Variants in SLC26A3 observed in about 807,000 individuals in gnomAD.
SLC26A3 encodes the protein solute carrier family 26 member 3.
A neutral mutation model predicts 85.6 loss-of-function variants in SLC26A3; 64 were observed. The observed-to-expected ratio is 0.75, with a 90% confidence interval of 0.61 to 0.92. The LOEUF (loss-of-function observed/expected upper bound fraction) is 0.92, where lower values mean the gene tolerates loss of function less well. Ranked by LOEUF, SLC26A3 falls within the 40% of genes least tolerant of loss-of-function variation. The pLI is 0.00. For synonymous variants in SLC26A3, 349 were observed against 336.0 expected (o/e 1.04, Z -0.42); for missense variants, 922 against 927.3 (o/e 0.99, Z 0.07).
rs1301483083 is a variant in SLC26A3 at position 107,783,190 on chromosome 7, A to G, written c.1119+15T>C. The G allele has an allele frequency of 6.2e-7, 1 of 1,614,060 alleles. No homozygotes were observed. The highest frequency in any genetic ancestry group is 8.5e-7 in the Non-Finnish European group (1 of 1,180,018). On this transcript the variant is annotated intron_variant, in intron 9 of 20. Coordinates refer to ENST00000340010, the MANE Select transcript of SLC26A3 (RefSeq NM_000111.3). ...AAAGTTGCCCAGTGAGACCCAGTGT[A>G]GTTTGTTTACTTACCTGATTGCCAT...
At chr7:107,791,622 AT>A (rs1415714065) in intron 4 of SLC26A3, among the ~76,000 whole-genome samples, 6 of 124,282 alleles carry the variant, frequency 4.8e-5, no homozygotes, top group African/African-American at 1.0e-4. Context: ...CAAAAAATAA[AT>A]AAAAATAAAT....
chr7:107,785,392 G>A (rs528170484), intron 8 of SLC26A3, among the ~76,000 whole-genome samples: 2 of 152,206 alleles, frequency 1.3e-5, no homozygotes, highest in South Asian at 2.1e-4. Flanking sequence ...ATGGTTACCC[G>A]TTGCCACACC....
chr7:107,785,587 A>T (rs908922950), intron 8 of SLC26A3, among the ~76,000 whole-genome samples: 1 of 152,214 alleles, frequency 6.6e-6, no homozygotes. Context: ...GTCTCCCAAG[A>T]CATTTAAGTA....
intron 1 of SLC26A3, 90 bp from the exon 2 acceptor site, chr7:107,794,687 C>T: frequency 1.5e-6 from 1 of 664,128 alleles, no homozygotes; most frequent in South Asian, 1.7e-5. Flanking sequence ...AATGTTACCA[C>T]CTTTTAAGAT....
At chr7:107,774,292 C>T (rs1288014437) in intron 16 of SLC26A3, 139 bp from the exon 17 acceptor site, 1 of 741,304 alleles carries the variant, frequency 1.3e-6, no homozygotes, top group African/African-American at 1.7e-5. Context: ...TGGCTCATGC[C>T]TGTCATCCCA....
intron 12 of SLC26A3, among the ~76,000 whole-genome samples, chr7:107,778,840 A>C (rs1562877153): frequency 2.6e-5 from 4 of 152,096 alleles, no homozygotes. Flanking sequence ...AAATAAAAAA[A>C]AATAGCTGAG....
At chr7:107,776,202 C>G in intron 15 of SLC26A3, 1 of 513,684 alleles carries the variant, frequency 1.9e-6, no homozygotes, top group Non-Finnish European at 3.5e-6. Context: ...TTCTTTTACT[C>G]TACATCAGAA....
chr7:107,775,859 G>A (rs902336800), intron 15 of SLC26A3, among the ~76,000 whole-genome samples: 19 of 152,160 alleles, frequency 1.2e-4, no homozygotes, highest in African/African-American at 4.1e-4. Flanking sequence ...GAAAAATGTC[G>A]GATGCATATC....
intron 20 of SLC26A3, among the ~76,000 whole-genome samples, chr7:107,766,708 T>C (rs962614404): frequency 1.3e-5 from 2 of 152,124 alleles, no homozygotes; most frequent in Non-Finnish European, 2.9e-5. Context: ...TTGAAGACAA[T>C]CATTAAATTC....
At chr7:107,775,155 C>T (rs1048665262) in intron 15 of SLC26A3, among the ~76,000 whole-genome samples, 20 of 152,084 alleles carry the variant, frequency 1.3e-4, no homozygotes, top group Admixed American at 1.2e-3. Context: ...CTATTTGAAT[C>T]TGTTTGTGTT....
At chr7:107,797,562 C>CTTTCTGTTTTCCCCTTGCACT (rs1447779342) in intron 1 of SLC26A3, among the ~76,000 whole-genome samples, 43 of 152,024 alleles carry the variant, frequency 2.8e-4, no homozygotes, top group African/African-American at 9.7e-4. Flanking sequence ...ACATTCCAGC[C>CTTTCTGTTTTCCCCTTGCACT]TTTCTGTTTT....
intron 12 of SLC26A3, 22 bp downstream of exon 12, chr7:107,779,646 A>G (rs761920144): frequency 2.6e-6 from 4 of 1,560,490 alleles, no homozygotes; most frequent in Middle Eastern, 1.7e-4. Context: ...TCTCTCTTTC[A>G]AATACTATTG....
At position 107,794,272 on chromosome 7, in the gene SLC26A3, G is replaced by A; in HGVS notation, c.131+107C>T. On this transcript the variant is annotated intron_variant, in intron 2 of 20. Transcript: ENST00000340010. ...TTTGGAAACTAAAGAGGAAAGGACT[G>A]TAGGCTGTGGACTAGAGCCAGAAAG... 2.4e-6 allele frequency: 3 copies of A among 1,273,466 alleles called. No homozygotes were observed. The East Asian group carries it at 6.9e-5, about 29-fold the overall frequency. The allele number at this position is 1,273,466 out of a possible 1,614,324, so 78.9% of individuals were successfully genotyped here.
rs369516311 is a variant in SLC26A3 at position 107,783,339 on chromosome 7, T to C, written c.985A>G (p.Ile329Val). 1.3e-5 allele frequency: 21 copies of C among 1,614,010 alleles called. No homozygotes were observed. Among genetic ancestry groups the C allele is most frequent in the Middle Eastern group, 1.6e-4 (1 of 6,082 alleles). ...GDMNPGFQPP[I>V]TPDVETFQNT... The stretch of plus-strand genomic sequence containing the variant: ...TGGAAAGTCTCCACGTCAGGTGTAA[T>C]AGGGGGCTGAAATCTAAAATTGAAA... Residue 329 changes from isoleucine (I) to valine (V), a missense_variant, in exon 9 of 21, where the codon ATT (isoleucine) becomes GTT (valine). Physicochemically the swap from Ile to Val is conservative, Grantham distance 29 (BLOSUM62 3). Transcript: ENST00000340010.
intron 5 of SLC26A3, 35 bp downstream of exon 5, chr7:107,791,013 A>AT (rs1300618507): frequency 6.2e-7 from 1 of 1,606,372 alleles, no homozygotes; most frequent in Non-Finnish European, 8.5e-7. Context: ...AGATGAACAG[A>AT]TTGAGGTGGG....
chr7:107,798,142 G>GAT (rs1794541830), intron 1 of SLC26A3, among the ~76,000 whole-genome samples: 1 of 150,950 alleles, frequency 6.6e-6, no homozygotes, highest in Admixed American at 6.6e-5. Context: ...TGGCCTTTAT[G>GAT]ATATATATAT....
In SLC26A3 at chr7:107,791,221, G is replaced by A. The variant is rs146149806; in HGVS notation, c.397C>T (p.Leu133=). The change falls in exon 5 of 21, where the codon CTG becomes TTG. Residue 133 remains leucine (L), a synonymous_variant. Transcript: ENST00000340010. ...RHISVGPFPI[L]SMMVGLAVSG... is the part of the protein sequence containing the mutation. Reference sequence around the variant, plus strand: ...ACTGCTAGTCCCACCATCATACTCAGAATCGGAAACGGACCTAATTAACAG... The same window carrying A: ...ACTGCTAGTCCCACCATCATACTCAAAATCGGAAACGGACCTAATTAACAG... 3.6e-5 allele frequency: 58 copies of A among 1,614,188 alleles called. No individual in the cohort carries two copies. The highest frequency in any genetic ancestry group is 4.7e-5 in the Non-Finnish European group (56 of 1,180,020).
intron 18 of SLC26A3, among the ~76,000 whole-genome samples, chr7:107,770,022 CTT>C (rs1293319235): frequency 4.7e-4 from 19 of 40,008 alleles, no homozygotes; most frequent in African/African-American, 2.1e-3. Flanking sequence ...TTCTTTCTTT[CTT>C]TCTTTCTTTC....
In SLC26A3 at chr7:107,787,475, G is replaced by A; in HGVS notation, c.770C>T (p.Thr257Ile). Reference protein sequence around the residue: ...LYSVFSQIEKTNIADLVTALI... With the variant: ...LYSVFSQIEKINIADLVTALI... ...AGCTGTCACCAGGTCTGCAATATTA[G>A]TCTTCTCTATTTGTGAGAATACAGA... Residue 257 changes from threonine to isoleucine, a missense_variant, in exon 7 of 21, where the codon ACT (threonine) becomes ATT (isoleucine). Thr to Ile is a moderately conservative substitution (Grantham distance 89, BLOSUM62 -1). Coordinates refer to ENST00000340010, the MANE Select transcript of SLC26A3 (RefSeq NM_000111.3). 2 of 1,613,674 alleles carry A rather than the reference G, an allele frequency of 1.2e-6. No homozygotes were observed. The highest frequency in any genetic ancestry group is 1.1e-5 in the South Asian group (1 of 91,072).
Sources: gnomAD v4.1 joint callset for allele counts (sites outside exome capture counted in the v4.1 genomes callset) on GRCh38, gnomAD v4.1.1 for gene constraint, MANE v1.5 for transcripts, NCBI Gene and HGNC (gene_info 2026-07-23, HGNC 2026-07-21) for gene names.